DOK5: variants seen among roughly 807,000 people sequenced by gnomAD.
The protein encoded by DOK5 is docking protein 5.
In DOK5, 27 loss-of-function variants were observed where a neutral mutation model predicts 43.3. The observed-to-expected ratio is 0.62, with a 90% CI of 0.46 to 0.86. The LOEUF (loss-of-function observed/expected upper bound fraction) is 0.86, where lower values mean the gene tolerates loss of function less well. Among genes scored for constraint, DOK5 ranks in the 40% least tolerant of loss-of-function variants. The pLI is 0.00. For missense variants in DOK5, 373 were observed against 392.9 expected (o/e 0.95, Z 0.43); for synonymous variants, 146 against 140.1 (o/e 1.04, Z -0.30).
At chr20:54,628,187 A>G (rs954305461) in intron 6 of DOK5, among the ~76,000 whole-genome samples, 10 of 152,132 alleles carry the variant, frequency 6.6e-5, no homozygotes, top group African/African-American at 2.4e-4. Flanking sequence ...GTAAGTGATT[A>G]TGTTCTCTCA....
At chr20:54,489,272 C>A (rs1255745053) in intron 1 of DOK5, among the ~76,000 whole-genome samples, 13 of 152,218 alleles carry the variant, frequency 8.5e-5, no homozygotes, top group Admixed American at 7.2e-4. Flanking sequence ...TTCGAGGATA[C>A]AAAGTTTATA....
chr20:54,491,200 C>T (rs1050615898), intron 1 of DOK5, among the ~76,000 whole-genome samples: 10 of 152,208 alleles, frequency 6.6e-5, no homozygotes, highest in African/African-American at 2.4e-4. Context: ...CTAGTAACCA[C>T]AAGCACTGAG....
intron 5 of DOK5, among the ~76,000 whole-genome samples, chr20:54,603,974 T>G (rs1164368760): frequency 4.9e-5 from 6 of 121,902 alleles, no homozygotes; most frequent in Admixed American, 2.1e-4. Context: ...TGAGACGGAG[T>G]CTTGCTCTGT....
At position 54,588,271 on chromosome 20, in the gene DOK5, A is replaced by G. The variant is rs542708574; in HGVS notation, c.175-212A>G. ...CTTAATACGTTTCAGAAAATTTAATAAGGAAAGATAATTTGTTAACCATCC... is the reference window on the plus strand; with the variant it reads ...CTTAATACGTTTCAGAAAATTTAATGAGGAAAGATAATTTGTTAACCATCC... On this transcript the variant is annotated intron_variant, in intron 2 of 7. Coordinates refer to ENST00000262593, the MANE Select transcript of DOK5 (RefSeq NM_018431.5). Among the ~76,000 whole-genome samples the G allele has an allele frequency of 2.6e-4, 39 of 152,366 alleles. No individual in the cohort carries two copies. In the East Asian group the frequency reaches 7.5e-3, roughly 29 times the overall value.
chr20:54,541,539 G>T (rs551815985), intron 1 of DOK5, among the ~76,000 whole-genome samples: 6 of 152,206 alleles, frequency 3.9e-5, no homozygotes, highest in Admixed American at 2.0e-4. Context: ...AGGTTCAAGT[G>T]ATTCTCCTGC....
intron 2 of DOK5, among the ~76,000 whole-genome samples, chr20:54,579,526 AAT>A (rs764852218): frequency 2.0e-5 from 3 of 151,982 alleles, no homozygotes; most frequent in Non-Finnish European, 4.4e-5. Context: ...GTGTGACTAG[AAT>A]TCTATATTCG....
rs192956197 is a variant in DOK5 at position 54,624,596 on chromosome 20, G to A, written c.735+14073G>A. Reference sequence around the variant, plus strand: ...CAGGGCACAGGTTCCAGGCAAGTCTGCTTTAAAAGGCCACAGAAAACTCAG... The same window carrying A: ...CAGGGCACAGGTTCCAGGCAAGTCTACTTTAAAAGGCCACAGAAAACTCAG... On this transcript the variant is annotated intron_variant, in intron 6 of 7. Coordinates refer to ENST00000262593, the MANE Select transcript of DOK5 (RefSeq NM_018431.5). 5.9e-5 allele frequency among the ~76,000 whole-genome samples: 9 copies of A among 152,338 alleles called. No individual in the cohort carries two copies. In the East Asian group the frequency reaches 1.7e-3, roughly 29 times the overall value.
intron 1 of DOK5, among the ~76,000 whole-genome samples, chr20:54,534,819 G>GTTTCTTTCTTTC (rs112769125): frequency 1.9e-4 from 29 of 150,564 alleles, no homozygotes; most frequent in South Asian, 6.3e-4. Flanking sequence ...TTGAAAGCAT[G>GTTTCTTTCTTTC]TTTCTTTCTT....
chr20:54,585,370 AC>A lies in DOK5; in HGVS notation c.175-3112del, dbSNP rs1985770830. Among the ~76,000 whole-genome samples, 3 of 152,286 alleles carry A rather than the reference AC, an allele frequency of 2.0e-5. No homozygotes were observed. The South Asian group carries it at 6.2e-4, about 32-fold the overall frequency. On this transcript the variant is annotated intron_variant, in intron 2 of 7. Coordinates refer to ENST00000262593, the MANE Select transcript of DOK5 (RefSeq NM_018431.5). ...AATGGGTAATTGTGTTCTGACTCAT[AC>A]AATTCCCCCTACATTTCCTGACTAT...
At chr20:54,617,470 A>G (rs1219711020) in intron 6 of DOK5, among the ~76,000 whole-genome samples, 1 of 151,938 alleles carries the variant, frequency 6.6e-6, no homozygotes. Context: ...ATGCATCACC[A>G]TGTCTGGTTC....
At chr20:54,644,713 A>C (rs13040551) in intron 7 of DOK5, among the ~76,000 whole-genome samples, 9 of 51,896 alleles carry the variant, frequency 1.7e-4, no homozygotes, top group East Asian at 1.2e-3. Context: ...CTCAAAAAAA[A>C]AAAAAAAAAA....
chr20:54,593,834 G>T (rs749294201), intron 5 of DOK5, among the ~76,000 whole-genome samples: 2 of 152,176 alleles, frequency 1.3e-5, no homozygotes, highest in African/African-American at 4.8e-5. Flanking sequence ...AATGAATCAC[G>T]TCCTTTGCAG....
chr20:54,542,025 C>T (rs1234319045), intron 1 of DOK5, among the ~76,000 whole-genome samples: 1 of 151,826 alleles, frequency 6.6e-6, no homozygotes, highest in Non-Finnish European at 1.5e-5. Context: ...CAATACCCAC[C>T]ACTAGCAATT....
intron 7 of DOK5, among the ~76,000 whole-genome samples, chr20:54,648,528 C>T (rs1018839021): frequency 1.3e-5 from 2 of 152,108 alleles, no homozygotes; most frequent in African/African-American, 4.8e-5. Context: ...GCAGCCATAC[C>T]GAGAGCCAGG....
intron 1 of DOK5, among the ~76,000 whole-genome samples, chr20:54,494,238 G>A (rs1346969301): frequency 6.6e-6 from 1 of 152,182 alleles, no homozygotes; most frequent in Non-Finnish European, 1.5e-5. Context: ...AATGTTCAGT[G>A]GACCTTCTGG....
intron 1 of DOK5, among the ~76,000 whole-genome samples, chr20:54,502,906 A>G (rs1354136638): frequency 6.6e-6 from 1 of 152,118 alleles, no homozygotes; most frequent in Non-Finnish European, 1.5e-5. Flanking sequence ...TTTCACTTAG[A>G]TTTTTTTCCT....
chr20:54,620,704 G>A (rs1986950795), intron 6 of DOK5, among the ~76,000 whole-genome samples: 1 of 152,114 alleles, frequency 6.6e-6, no homozygotes, highest in Admixed American at 6.6e-5. Context: ...AGTGCTTCTA[G>A]GAATTTACTC....
At chr20:54,480,756 GCCCTATGCTGC>G (rs2146655019) in intron 1 of DOK5, among the ~76,000 whole-genome samples, 1 of 152,232 alleles carries the variant, frequency 6.6e-6, no homozygotes, top group African/African-American at 2.4e-5. Flanking sequence ...GGGCCATGAG[GCCCTATGCTGC>G]CCCAGAACCC....
chr20:54,649,844 C>T (rs976247765), intron 7 of DOK5, among the ~76,000 whole-genome samples: 8 of 152,166 alleles, frequency 5.3e-5, no homozygotes, highest in Non-Finnish European at 1.0e-4. Context: ...GTCTGCAAAA[C>T]CTAAAATATT....
Sources: gnomAD v4.1 joint callset for allele counts (sites outside exome capture counted in the v4.1 genomes callset) on GRCh38, gnomAD v4.1.1 for gene constraint, MANE v1.5 for transcripts, NCBI Gene and HGNC (gene_info 2026-07-23, HGNC 2026-07-21) for gene names.